The following ADGRV1 variants were observed in gnomAD, a reference collection of about 807,000 sequenced individuals.
ADGRV1 encodes the protein G-protein coupled receptor 98.
In ADGRV1, 359 loss-of-function variants were observed where a neutral mutation model predicts 596.2. The ratio of observed to expected loss-of-function variants is 0.60; its 90% confidence interval spans 0.55 to 0.66. ADGRV1 has a LOEUF of 0.66. ADGRV1 is among the 30% of genes least tolerant of loss of function. The probability of loss-of-function intolerance (pLI) is 0.00; values close to 1 mark genes in which losing one functional copy is unlikely to be tolerated. For synonymous variants in ADGRV1, 2,681 were observed against 2,679.2 expected, an observed-to-expected ratio of 1.00 and a Z score of -0.02; for missense variants, 7,274 against 7,575.6, an observed-to-expected ratio of 0.96 and a Z score of 1.48.
chr5:90,893,886 G>A (rs1337572487), intron 83 of ADGRV1, among the ~76,000 whole-genome samples: 1 of 152,134 alleles, frequency 6.6e-6, no homozygotes, highest in African/African-American at 2.4e-5. Flanking sequence ...ACTGTTCAAT[G>A]TATTTCCAAT....
chr5:90,853,251 C>A, intron 79 of ADGRV1, 33 bp from the exon 80 acceptor site: 1 of 1,560,546 alleles, frequency 6.4e-7, no homozygotes, highest in East Asian at 2.2e-5. Context: ...AAATACATGC[C>A]ATTTTTACAG....
At position 90,753,705 on chromosome 5, in the gene ADGRV1, C is replaced by T. The variant is rs376689763; in HGVS notation, c.11253C>T (p.Tyr3751=). Residue 3751 remains tyrosine (Y), a synonymous_variant, in exon 54 of 90, where the codon TAC becomes TAT. Coordinates refer to ENST00000405460, the MANE Select transcript of ADGRV1 (RefSeq NM_032119.4). The stretch of plus-strand genomic sequence containing the variant: ...CCACAGAAGGGGTTGAGGACTCATA[C>T]AAAGGTGCTACTATTGATCAGGACA... The part of the protein sequence containing the change: ...RITTEGVEDS[Y]KGATIDQDRS... 78 of 1,613,524 alleles carry T rather than the reference C, an allele frequency of 4.8e-5. No individual in the cohort carries two copies. The highest frequency in any genetic ancestry group is 6.4e-5 in the Non-Finnish European group (75 of 1,179,704).
intron 9 of ADGRV1, among the ~76,000 whole-genome samples, chr5:90,632,431 T>G (rs1765623098): frequency 6.6e-6 from 1 of 152,194 alleles, no homozygotes; most frequent in African/African-American, 2.4e-5. Context: ...GCCTCAAAAC[T>G]AGTTTTTACT....
intron 58 of ADGRV1, among the ~76,000 whole-genome samples, chr5:90,761,707 C>CT (rs1343294161): frequency 1.3e-5 from 2 of 152,152 alleles, no homozygotes; most frequent in Admixed American, 6.5e-5. Context: ...TTCAATTTGT[C>CT]TTAGAGTCTA....
At chr5:90,777,349 G>A (rs1758355532) in intron 61 of ADGRV1, among the ~76,000 whole-genome samples, 1 of 152,134 alleles carries the variant, frequency 6.6e-6, no homozygotes, top group Non-Finnish European at 1.5e-5. Context: ...AGATTTATGT[G>A]GGGACACAGA....
chr5:90,999,361 T>G (rs1781677145), intron 85 of ADGRV1, among the ~76,000 whole-genome samples: 1 of 152,034 alleles, frequency 6.6e-6, no homozygotes, highest in Non-Finnish European at 1.5e-5. Flanking sequence ...TTTAAAGTTA[T>G]GTTTAACTTT....
chr5:90,621,771 A>G (rs1366296319), intron 4 of ADGRV1, among the ~76,000 whole-genome samples: 1 of 152,116 alleles, frequency 6.6e-6, no homozygotes, highest in African/African-American at 2.4e-5. Flanking sequence ...GTGGTGCTCA[A>G]TAGGCTGGCT....
chr5:91,064,103 C>T (rs990657833), intron 85 of ADGRV1, among the ~76,000 whole-genome samples: 2 of 152,054 alleles, frequency 1.3e-5, no homozygotes, highest in African/African-American at 4.8e-5. Flanking sequence ...TTTTCTATGC[C>T]ATATTTTTAA....
At chr5:90,919,154 C>T (rs575284415) in intron 83 of ADGRV1, among the ~76,000 whole-genome samples, 31 of 152,324 alleles carry the variant, frequency 2.0e-4, no homozygotes, top group African/African-American at 5.8e-4. Context: ...TAGCTTCCTT[C>T]CTGTCACCCA....
chr5:90,821,080 C>T (rs1029472375), intron 75 of ADGRV1, among the ~76,000 whole-genome samples: 6 of 152,288 alleles, frequency 3.9e-5, no homozygotes, highest in African/African-American at 1.2e-4. Context: ...GGTCTTTTCA[C>T]ATAGTCGCAT....
Position 90,923,528 on chromosome 5 carries a change from C to T in ADGRV1, c.17857-41887C>T, listed in dbSNP as rs115449269. Among the ~76,000 whole-genome samples the T allele has an allele frequency of 3.7e-3, 571 of 152,268 alleles. 2 individuals are homozygous for T. The highest frequency in any genetic ancestry group is 0.013 in the African/African-American group (547 of 41,560). On this transcript the variant is annotated intron_variant, in intron 83 of 89. Transcript: ENST00000405460. The stretch of plus-strand genomic sequence containing the variant: ...TTGCTGCATTGACCTGGGGCTCACA[C>T]ACCTCAGACTCTTGTAGAAGAAAAA...
At chr5:91,025,042 T>C (rs73187140) in intron 85 of ADGRV1, among the ~76,000 whole-genome samples, 9,572 of 152,168 alleles carry the variant, frequency 0.063, 409 homozygotes, top group East Asian at 0.19. Context: ...TGATTACCTA[T>C]AGCAAGCTTC....
chr5:91,010,418 C>A (rs1782629123), intron 85 of ADGRV1, among the ~76,000 whole-genome samples: 1 of 152,052 alleles, frequency 6.6e-6, no homozygotes. Flanking sequence ...AGGGACTTTT[C>A]ATTGACTTTT....
chr5:91,116,920 A>G (rs1021987536), intron 87 of ADGRV1, among the ~76,000 whole-genome samples: 3 of 152,190 alleles, frequency 2.0e-5, no homozygotes, highest in African/African-American at 7.2e-5. Flanking sequence ...TTACCTTCAT[A>G]AAGAATTTTC....
chr5:91,039,979 A>G (rs1785208210), intron 85 of ADGRV1, among the ~76,000 whole-genome samples: 2 of 152,200 alleles, frequency 1.3e-5, no homozygotes, highest in Admixed American at 1.3e-4. Context: ...ACAATTGGAA[A>G]GAGCCAGAAG....
intron 85 of ADGRV1, among the ~76,000 whole-genome samples, chr5:91,031,720 A>T (rs1461225685): frequency 6.6e-6 from 1 of 152,176 alleles, no homozygotes; most frequent in African/African-American, 2.4e-5. Flanking sequence ...TCTTATGATC[A>T]ATAATGCCAA....
At chr5:90,920,208 C>T (rs982115599) in intron 83 of ADGRV1, among the ~76,000 whole-genome samples, 3 of 152,050 alleles carry the variant, frequency 2.0e-5, no homozygotes, top group South Asian at 2.1e-4. Context: ...GGTTTATAAA[C>T]GTTTTTTCAC....
At chr5:91,129,229 G>A (rs940684619) in intron 87 of ADGRV1, among the ~76,000 whole-genome samples, 26 of 151,990 alleles carry the variant, frequency 1.7e-4, no homozygotes, top group African/African-American at 6.0e-4. Flanking sequence ...TGTATGTTGC[G>A]AGAACAGCAA....
chr5:90,691,270 C>A, intron 31 of ADGRV1: 1 of 545,912 alleles, frequency 1.8e-6, no homozygotes, highest in Non-Finnish European at 3.4e-6. Flanking sequence ...CTTTTTTGTA[C>A]AATTAACTTG....
Sources: allele counts gnomAD v4.1 joint callset (sites outside exome capture counted in the v4.1 genomes callset), GRCh38; gene constraint gnomAD v4.1.1; transcripts MANE v1.5; gene names NCBI Gene and HGNC (gene_info 2026-07-23, HGNC 2026-07-21).